Variants in GRIN2A observed in about 807,000 individuals in gnomAD.
GRIN2A encodes the protein glutamate receptor ionotropic, NMDA 2A.
A neutral mutation model predicts 113.4 loss-of-function variants in GRIN2A; 22 were observed. That is an observed-to-expected ratio of 0.19 (90% confidence interval 0.14 to 0.28). The LOEUF (loss-of-function observed/expected upper bound fraction) is 0.28, where lower values mean the gene tolerates loss of function less well. Ranked by LOEUF, GRIN2A falls within the 10% of genes least tolerant of loss-of-function variation. The pLI is 1.00. For synonymous variants in GRIN2A, 827 were observed against 738.4 expected (o/e 1.12, Z -1.94); for missense variants, 1,502 against 1,887.0 (o/e 0.80, Z 3.78).
At chr16:10,137,501 A>G (rs1160652245) in intron 2 of GRIN2A, among the ~76,000 whole-genome samples, 3 of 152,108 alleles carry the variant, frequency 2.0e-5, no homozygotes, top group Admixed American at 6.6e-5. Context: ...ACTATGGACA[A>G]TTTCATTTCC....
intron 2 of GRIN2A, among the ~76,000 whole-genome samples, chr16:10,146,874 T>C (rs1017638492): frequency 2.6e-5 from 4 of 151,944 alleles, no homozygotes; most frequent in East Asian, 1.9e-4. Flanking sequence ...GAGACCTTGA[T>C]AGTCCAGAAG....
chr16:9,942,872 T>C (rs1031705123), intron 2 of GRIN2A, among the ~76,000 whole-genome samples: 4 of 152,128 alleles, frequency 2.6e-5, no homozygotes, highest in African/African-American at 9.7e-5. Context: ...AAAACCACCA[T>C]GGACCAAAAG....
In GRIN2A at chr16:9,965,403, A is replaced by C. The variant is rs111490363; in HGVS notation, c.415-26852T>G. On this transcript the variant is annotated intron_variant, in intron 2 of 12. Coordinates refer to ENST00000330684, the MANE Select transcript of GRIN2A (RefSeq NM_001134407.3). ...AAATGCCCCCCAAAGCTGCCTCAAT[A>C]TCATTAAAAGTTGGGCAGTGAGGAA... Among the ~76,000 whole-genome samples, 806 of 152,312 alleles carry C rather than the reference A, an allele frequency of 5.3e-3. 8 individuals are homozygous for C. Among genetic ancestry groups the C allele is most frequent in the African/African-American group, 0.017 (715 of 41,566 alleles).
chr16:9,869,649 G>T (rs1169536234), intron 4 of GRIN2A, among the ~76,000 whole-genome samples: 1 of 152,116 alleles, frequency 6.6e-6, no homozygotes, highest in Non-Finnish European at 1.5e-5. Flanking sequence ...TTGGACATCA[G>T]TTTCCTTATA....
intron 2 of GRIN2A, among the ~76,000 whole-genome samples, chr16:10,141,266 G>A (rs1224646119): frequency 2.0e-5 from 3 of 151,850 alleles, no homozygotes; most frequent in East Asian, 1.9e-4. Context: ...TAAGGTGGGC[G>A]GATCATGAGG....
chr16:9,807,317 A>AG (rs2041996772), intron 10 of GRIN2A, among the ~76,000 whole-genome samples: 1 of 13,902 alleles, frequency 7.2e-5, no homozygotes. Context: ...AGAGGGGGAA[A>AG]AAGTGGGGGG....
chr16:9,819,065 T>C (rs2042234783), intron 10 of GRIN2A, among the ~76,000 whole-genome samples: 1 of 152,138 alleles, frequency 6.6e-6, no homozygotes. Flanking sequence ...TGCATTAATA[T>C]AGAAAGATTC....
At chr16:9,858,438 T>G (rs1235956035) in intron 4 of GRIN2A, among the ~76,000 whole-genome samples, 1 of 151,992 alleles carries the variant, frequency 6.6e-6, no homozygotes, top group Non-Finnish European at 1.5e-5. Flanking sequence ...ACAAAATAGG[T>G]TGTGTGGGAG....
At chr16:10,159,759 T>C (rs557170724) in intron 2 of GRIN2A, among the ~76,000 whole-genome samples, 66 of 152,324 alleles carry the variant, frequency 4.3e-4, no homozygotes, top group African/African-American at 1.5e-3. Context: ...AAATATATTA[T>C]TCTTTGTGAG....
chr16:9,853,069 A>G (rs1424637425), intron 4 of GRIN2A, among the ~76,000 whole-genome samples: 1 of 152,236 alleles, frequency 6.6e-6, no homozygotes, highest in East Asian at 1.9e-4. Context: ...AAAAGATATC[A>G]GAGACATCTT....
At chr16:10,049,557 T>C (rs2047320834) in intron 2 of GRIN2A, among the ~76,000 whole-genome samples, 1 of 152,130 alleles carries the variant, frequency 6.6e-6, no homozygotes, top group African/African-American at 2.4e-5. Context: ...TTTTGTATTT[T>C]TAGTAGAGAC....
At chr16:9,851,324 A>AAC (rs1209646892) in intron 4 of GRIN2A, among the ~76,000 whole-genome samples, 1 of 152,152 alleles carries the variant, frequency 6.6e-6, no homozygotes, top group African/African-American at 2.4e-5. Context: ...AATTTGGTTA[A>AAC]ACACACACAC....
At chr16:10,085,587 G>C (rs1163326389) in intron 2 of GRIN2A, among the ~76,000 whole-genome samples, 1 of 152,172 alleles carries the variant, frequency 6.6e-6, no homozygotes, top group Non-Finnish European at 1.5e-5. Flanking sequence ...TATCAGGAAG[G>C]AATGTTGCTT....
At chr16:10,153,757 C>T (rs1179599547) in intron 2 of GRIN2A, among the ~76,000 whole-genome samples, 1 of 152,158 alleles carries the variant, frequency 6.6e-6, no homozygotes, top group African/African-American at 2.4e-5. Context: ...GAACACTCAC[C>T]TCATCTAGAC....
At chr16:10,145,280 G>A (rs1012539732) in intron 2 of GRIN2A, among the ~76,000 whole-genome samples, 33 of 152,298 alleles carry the variant, frequency 2.2e-4, no homozygotes, top group Admixed American at 7.2e-4. Context: ...TTAACAAACT[G>A]TATTCTGCCC....
chr16:10,019,427 T>C (rs1374206449), intron 2 of GRIN2A, among the ~76,000 whole-genome samples: 2 of 152,228 alleles, frequency 1.3e-5, no homozygotes, highest in Non-Finnish European at 2.9e-5. Flanking sequence ...GTCACAAGGA[T>C]AGCAAGGAGG....
intron 11 of GRIN2A, among the ~76,000 whole-genome samples, chr16:9,791,943 C>T (rs1902630393): frequency 6.6e-6 from 1 of 152,092 alleles, no homozygotes; most frequent in South Asian, 2.1e-4. Context: ...GAGTCCATTG[C>T]AGGAAGTTTC....
Position 10,125,823 on chromosome 16 carries a change from G to C in GRIN2A, c.414+54175C>G, listed in dbSNP as rs983043039. Among the ~76,000 whole-genome samples, 5 of 152,060 alleles carry C rather than the reference G, an allele frequency of 3.3e-5. No homozygotes were observed. The East Asian group carries it at 7.8e-4, about 24-fold the overall frequency. ...CAGGGAGAGAGAGCTGGGGGTAAAG[G>C]CTGGGTGGGAGGATGCTTAAGGGCC... On this transcript the variant is annotated intron_variant, in intron 2 of 12. Coordinates refer to ENST00000330684, the MANE Select transcript of GRIN2A (RefSeq NM_001134407.3).
intron 2 of GRIN2A, among the ~76,000 whole-genome samples, chr16:10,039,812 A>AGGG (rs1491260826): frequency 2.6e-5 from 2 of 75,770 alleles, no homozygotes; most frequent in African/African-American, 5.1e-5. Flanking sequence ...GGGGGGGGAG[A>AGGG]AAGAGAGAGA....
Sources: allele counts gnomAD v4.1 joint callset (sites outside exome capture counted in the v4.1 genomes callset), GRCh38; gene constraint gnomAD v4.1.1; transcripts MANE v1.5; gene names NCBI Gene and HGNC (gene_info 2026-07-23, HGNC 2026-07-21).